CHCHD6: variants seen among roughly 807,000 people sequenced by gnomAD.
CHCHD6 encodes coiled-coil-helix-coiled-coil-helix domain containing 6, also known as MICOS complex subunit MIC25.
Under a neutral mutation model 32.3 loss-of-function variants are expected in CHCHD6, and 28 were observed. The observed-to-expected ratio is 0.87, with a 90% CI of 0.64 to 1.19. The LOEUF (loss-of-function observed/expected upper bound fraction) is 1.19, where lower values mean the gene tolerates loss of function less well. Ranked by LOEUF, CHCHD6 falls within the 50% of genes most tolerant of loss-of-function variation. The probability of loss-of-function intolerance (pLI) is 0.00; values close to 1 mark genes in which losing one functional copy is unlikely to be tolerated. For synonymous variants in CHCHD6, 122 were observed against 117.5 expected (o/e 1.04, Z -0.25); for missense variants, 333 against 307.0 (o/e 1.08, Z -0.63).
At chr3:126,788,151 A>C (rs1277198089) in intron 4 of CHCHD6, among the ~76,000 whole-genome samples, 2 of 152,242 alleles carry the variant, frequency 1.3e-5, no homozygotes, top group Non-Finnish European at 2.9e-5. Context: ...ATGTTGAACC[A>C]GCCTTGCATC....
chr3:126,960,280 G>A lies in CHCHD6; in HGVS notation c.*79G>A. The stretch of plus-strand genomic sequence containing the variant: ...CCAATCATGGGACCACAGCCACTGT[G>A]CCCTGCCGTTTCCTGCTGGGCCCCT... On this transcript the variant is annotated 3_prime_UTR_variant, in exon 8 of 8. Coordinates refer to ENST00000290913, the MANE Select transcript of CHCHD6 (RefSeq NM_032343.3). The A allele has an allele frequency of 6.6e-7, 1 of 1,525,346 alleles. No individual in the cohort carries two copies. The highest frequency in any genetic ancestry group is 1.2e-5 in the South Asian group (1 of 83,624). The allele number at this position is 1,525,346 out of a possible 1,614,324, so 94.5% of individuals were successfully genotyped here. A position where few individuals can be genotyped will look rare whatever the true frequency, so the allele number is the denominator to read the frequency against.
chr3:126,740,718 A>T (rs2107663198), intron 4 of CHCHD6, among the ~76,000 whole-genome samples: 1 of 152,290 alleles, frequency 6.6e-6, no homozygotes, highest in African/African-American at 2.4e-5. Context: ...TAGTTTAGAG[A>T]ATTGGAATAA....
chr3:126,923,243 T>A (rs1247857103), intron 6 of CHCHD6, among the ~76,000 whole-genome samples: 1 of 152,262 alleles, frequency 6.6e-6, no homozygotes, highest in Non-Finnish European at 1.5e-5. Context: ...ACACAGAATC[T>A]GTTAAGCTGT....
At chr3:126,926,765 T>TA (rs1441818128) in intron 6 of CHCHD6, among the ~76,000 whole-genome samples, 4 of 152,124 alleles carry the variant, frequency 2.6e-5, no homozygotes, top group African/African-American at 7.2e-5. Flanking sequence ...AGGGAATTGA[T>TA]ATGATTGGAT....
intron 1 of CHCHD6, among the ~76,000 whole-genome samples, chr3:126,714,716 T>C (rs1559799761): frequency 6.6e-6 from 1 of 152,146 alleles, no homozygotes; most frequent in African/African-American, 2.4e-5. Flanking sequence ...TCTTCCTCGT[T>C]TTCCAGTGCC....
In CHCHD6 at chr3:126,780,584, G is replaced by A. The variant is rs537172611; in HGVS notation, c.411+47362G>A. The stretch of plus-strand genomic sequence containing the variant: ...CTTCGCCTGATTCTCCCTTGCTTTG[G>A]AGGGTCATCTTCTTGATTCTGGCTT... On this transcript the variant is annotated intron_variant, in intron 4 of 7. Coordinates refer to ENST00000290913, the MANE Select transcript of CHCHD6 (RefSeq NM_032343.3). 5.6e-4 allele frequency among the ~76,000 whole-genome samples: 86 copies of A among 152,268 alleles called. 1 individual carries two copies. The highest frequency in any genetic ancestry group is 9.8e-4 in the Admixed American group (15 of 15,306).
chr3:126,742,889 G>A (rs970194160), intron 4 of CHCHD6, among the ~76,000 whole-genome samples: 2 of 152,154 alleles, frequency 1.3e-5, no homozygotes, highest in Non-Finnish European at 2.9e-5. Context: ...TATTTGGGGT[G>A]GAAGAAATCC....
At chr3:126,778,180 A>G (rs1297385036) in intron 4 of CHCHD6, among the ~76,000 whole-genome samples, 1 of 152,194 alleles carries the variant, frequency 6.6e-6, no homozygotes, top group Non-Finnish European at 1.5e-5. Flanking sequence ...GTTGATGGAT[A>G]TTTGGGCTGT....
At chr3:126,766,316 A>C (rs1369830939) in intron 4 of CHCHD6, 1 of 379,238 alleles carries the variant, frequency 2.6e-6, no homozygotes, top group Non-Finnish European at 5.0e-6. Flanking sequence ...GTCTAAACAA[A>C]AATGCACCTT....
At chr3:126,883,997 G>A (rs145665555) in intron 5 of CHCHD6, among the ~76,000 whole-genome samples, 1 of 151,748 alleles carries the variant, frequency 6.6e-6, no homozygotes, top group East Asian at 1.9e-4. Flanking sequence ...CATTTCTGTA[G>A]TTCAAGTCTT....
At chr3:126,823,925 A>G (rs538850780) in intron 4 of CHCHD6, among the ~76,000 whole-genome samples, 3 of 152,036 alleles carry the variant, frequency 2.0e-5, no homozygotes, top group African/African-American at 7.2e-5. Context: ...ACACACCCAC[A>G]TTATCTGGGT....
chr3:126,858,793 C>A (rs1182426328), intron 5 of CHCHD6, among the ~76,000 whole-genome samples: 1 of 152,202 alleles, frequency 6.6e-6, no homozygotes, highest in African/African-American at 2.4e-5. Flanking sequence ...GACCAGGTTG[C>A]TCCATGTCCA....
At chr3:126,854,535 G>A (rs943149482) in intron 5 of CHCHD6, among the ~76,000 whole-genome samples, 1 of 152,132 alleles carries the variant, frequency 6.6e-6, no homozygotes, top group African/African-American at 2.4e-5. Context: ...TCCTGTAATG[G>A]CTGGGAAGAT....
At chr3:126,930,049 A>G (rs986892429) in intron 6 of CHCHD6, among the ~76,000 whole-genome samples, 25 of 152,326 alleles carry the variant, frequency 1.6e-4, no homozygotes, top group African/African-American at 5.8e-4. Flanking sequence ...CTTTCCCACT[A>G]GGCTGGATCA....
chr3:126,940,083 G>A (rs1390256730), intron 6 of CHCHD6, among the ~76,000 whole-genome samples: 2 of 152,182 alleles, frequency 1.3e-5, no homozygotes, highest in Non-Finnish European at 2.9e-5. Context: ...AATATTCAGA[G>A]TATATACATA....
At chr3:126,777,598 GCATACTTCCCACTC>G (rs1490941182) in intron 4 of CHCHD6, among the ~76,000 whole-genome samples, 2 of 152,130 alleles carry the variant, frequency 1.3e-5, no homozygotes, top group Admixed American at 6.5e-5. Context: ...CTGCCACACT[GCATACTTCCCACTC>G]CATACTTCCC....
chr3:126,925,140 C>A (rs1261627791), intron 6 of CHCHD6, among the ~76,000 whole-genome samples: 8 of 152,232 alleles, frequency 5.3e-5, no homozygotes, highest in Non-Finnish European at 8.8e-5. Context: ...GTTTTCTGCT[C>A]CTCATTCTGT....
intron 5 of CHCHD6, among the ~76,000 whole-genome samples, chr3:126,902,261 G>A (rs756534427): frequency 1.3e-5 from 2 of 152,200 alleles, no homozygotes; most frequent in African/African-American, 2.4e-5. Flanking sequence ...AGTGGCTTAG[G>A]TATTGCCAGT....
chr3:126,928,655 T>G (rs1210621568), intron 6 of CHCHD6, among the ~76,000 whole-genome samples: 3 of 152,210 alleles, frequency 2.0e-5, no homozygotes, highest in African/African-American at 7.2e-5. Flanking sequence ...TCCAGGATTC[T>G]AACACTAGTC....
Sources: allele counts gnomAD v4.1 joint callset (sites outside exome capture counted in the v4.1 genomes callset), GRCh38; gene constraint gnomAD v4.1.1; transcripts MANE v1.5; gene names NCBI Gene and HGNC (gene_info 2026-07-23, HGNC 2026-07-21).